Variants in GAB1 observed in about 807,000 individuals in gnomAD.
GAB1 encodes the protein GRB2 associated binding protein 1, also known as GRB2-associated-binding protein 1.
Under a neutral mutation model 66.5 loss-of-function variants are expected in GAB1, and 19 were observed. The observed-to-expected ratio is 0.29, with a 90% CI of 0.20 to 0.42. The LOEUF (loss-of-function observed/expected upper bound fraction) is 0.42. GAB1 is among the 10% of genes least tolerant of loss of function. The pLI, the probability that GAB1 is intolerant of heterozygous loss-of-function variation, is 1.00. For missense variants in GAB1, 732 were observed against 858.5 expected (o/e 0.85, Z 1.84); for synonymous variants, 294 against 301.4 (o/e 0.98, Z 0.25).
chr4:143,382,419 A>G (rs1560730825), intron 1 of GAB1, among the ~76,000 whole-genome samples: 1 of 152,208 alleles, frequency 6.6e-6, no homozygotes, highest in Non-Finnish European at 1.5e-5. Context: ...TCCCTCAGGA[A>G]TAGTGTAAAA....
intron 6 of GAB1, among the ~76,000 whole-genome samples, chr4:143,445,124 G>A (rs1308065051): frequency 6.6e-6 from 1 of 152,158 alleles, no homozygotes; most frequent in African/African-American, 2.4e-5. Flanking sequence ...GGAATTGCTA[G>A]GTTTAATGGT....
chr4:143,392,872 G>A (rs1731249899), intron 1 of GAB1, among the ~76,000 whole-genome samples: 1 of 152,156 alleles, frequency 6.6e-6, no homozygotes, highest in Non-Finnish European at 1.5e-5. Context: ...ATGGATATCT[G>A]AGGTTTTTTA....
intron 4 of GAB1, among the ~76,000 whole-genome samples, 188 bp downstream of exon 4, chr4:143,438,788 GTT>G (rs1051988060): frequency 6.6e-5 from 10 of 152,192 alleles, no homozygotes; most frequent in Admixed American, 2.6e-4. Flanking sequence ...AAGAGTTGGA[GTT>G]TCTCACCCCT....
Position 143,388,601 on chromosome 4 carries a change from G to A in GAB1, c.73-26876G>A, listed in dbSNP as rs186668198. Among the ~76,000 whole-genome samples the A allele has an allele frequency of 1.6e-4, 24 of 152,228 alleles. No homozygotes were observed. In the East Asian group the frequency reaches 2.9e-3, roughly 18 times the overall value. On this transcript the variant is annotated intron_variant, in intron 1 of 9. Transcript: ENST00000262994. Reference sequence around the variant, plus strand: ...AGCTAATTTTTGTATTTTTGGTAGAGATGGGGCTTCACCATGTTGGCCAGG... The same window carrying A: ...AGCTAATTTTTGTATTTTTGGTAGAAATGGGGCTTCACCATGTTGGCCAGG...
At chr4:143,467,883 C>T (rs915777926) in intron 9 of GAB1, among the ~76,000 whole-genome samples, 5 of 152,184 alleles carry the variant, frequency 3.3e-5, no homozygotes, top group East Asian at 1.9e-4. Flanking sequence ...CTCACCACTC[C>T]CTCTACTTCT....
At chr4:143,384,595 C>T (rs1315577427) in intron 1 of GAB1, among the ~76,000 whole-genome samples, 4 of 152,210 alleles carry the variant, frequency 2.6e-5, no homozygotes, top group Admixed American at 2.6e-4. Flanking sequence ...AAATGCTACA[C>T]CCGACAGACT....
intron 2 of GAB1, chr4:143,425,391 G>A: frequency 1.3e-6 from 1 of 759,378 alleles, no homozygotes; most frequent in African/African-American, 1.7e-5. Flanking sequence ...ACAGCCTTCT[G>A]GGAGCCATGG....
At chr4:143,379,736 A>C (rs1730576148) in intron 1 of GAB1, among the ~76,000 whole-genome samples, 1 of 151,946 alleles carries the variant, frequency 6.6e-6, no homozygotes, top group Non-Finnish European at 1.5e-5. Flanking sequence ...ACATGTGCAC[A>C]CCACAGTGCC....
At chr4:143,395,119 C>T (rs930957901) in intron 1 of GAB1, 2 of 152,146 alleles carry the variant, frequency 1.3e-5, no homozygotes, top group African/African-American at 4.8e-5. Flanking sequence ...TAACAGTTCC[C>T]TATGTCTTTT....
In GAB1 at chr4:143,459,510, A is replaced by G. The variant is rs375152816; in HGVS notation, c.1679+32A>G. On this transcript the variant is annotated intron_variant, in intron 7 of 9. Coordinates refer to ENST00000262994, the MANE Select transcript of GAB1 (RefSeq NM_002039.4). ...CCTTTGTCTAAAATATGTAGTTTGT[A>G]TGAATAATGTGACTATCTAGAATTG... 2.2e-5 allele frequency: 24 copies of G among 1,102,132 alleles called. No homozygotes were observed. The African/African-American group carries it at 2.5e-4, about 11-fold the overall frequency. 68.3% of individuals were successfully genotyped at this position (1,102,132 alleles called of 1,614,324 possible). A position where few individuals can be genotyped will look rare whatever the true frequency, so the allele number is the denominator to read the frequency against.
At chr4:143,423,705 A>G (rs906067145) in intron 2 of GAB1, among the ~76,000 whole-genome samples, 68 of 146,992 alleles carry the variant, frequency 4.6e-4, no homozygotes, top group Non-Finnish European at 9.6e-4. Context: ...TGAACCCGGG[A>G]GGCGGAGCTT....
intron 1 of GAB1, among the ~76,000 whole-genome samples, chr4:143,396,140 G>T (rs1015363524): frequency 3.3e-5 from 5 of 152,180 alleles, no homozygotes; most frequent in African/African-American, 9.7e-5. Flanking sequence ...GACCCTAGGA[G>T]CATTCTCCGC....
At chr4:143,358,021 A>G (rs1729516323) in intron 1 of GAB1, among the ~76,000 whole-genome samples, 1 of 152,166 alleles carries the variant, frequency 6.6e-6, no homozygotes, top group Admixed American at 6.5e-5. Context: ...GCTATTTTAA[A>G]AAACCACTTT....
At chr4:143,355,376 G>A (rs572714417) in intron 1 of GAB1, among the ~76,000 whole-genome samples, 52 of 152,232 alleles carry the variant, frequency 3.4e-4, no homozygotes, top group African/African-American at 1.2e-3. Context: ...GTCTCGTGGA[G>A]CAGTTCATCC....
intron 1 of GAB1, among the ~76,000 whole-genome samples, chr4:143,366,272 C>T (rs1326167826): frequency 6.6e-6 from 1 of 152,156 alleles, no homozygotes; most frequent in Non-Finnish European, 1.5e-5. Context: ...ATAGAGAAAG[C>T]ATATTTACAT....
At chr4:143,449,540 T>A (rs1177885079) in intron 6 of GAB1, among the ~76,000 whole-genome samples, 1 of 152,222 alleles carries the variant, frequency 6.6e-6, no homozygotes, top group African/African-American at 2.4e-5. Context: ...TTTACCATTA[T>A]GTAATGGCCT....
In GAB1 at chr4:143,350,662, G is replaced by A. The variant is rs113422377; in HGVS notation, c.72+13402G>A. Among the ~76,000 whole-genome samples, 8 of 128,630 alleles carry A rather than the reference G, an allele frequency of 6.2e-5. No homozygotes were observed. The South Asian group carries it at 1.7e-3, about 28-fold the overall frequency. The allele number at this position is 128,630 out of a possible 152,430, so 84.4% of individuals were successfully genotyped here. ...CATTGCACTCCAGCCTGGGCAACAA[G>A]CGTGAAACTCCGTCTCAAAAAAAAA... On this transcript the variant is annotated intron_variant, in intron 1 of 9. Transcript: ENST00000262994.
intron 1 of GAB1, among the ~76,000 whole-genome samples, chr4:143,379,642 C>G (rs915999967): frequency 6.6e-6 from 1 of 152,044 alleles, no homozygotes; most frequent in Non-Finnish European, 1.5e-5. Context: ...CCCAAGCTAG[C>G]CTGCAGTGAT....
chr4:143,455,429 T>C (rs141156688), intron 6 of GAB1, among the ~76,000 whole-genome samples: 1 of 152,132 alleles, frequency 6.6e-6, no homozygotes, highest in East Asian at 1.9e-4. Context: ...AACCACAAAC[T>C]TAGATAAGAT....
Sources: gnomAD v4.1 joint callset for allele counts (sites outside exome capture counted in the v4.1 genomes callset) on GRCh38, gnomAD v4.1.1 for gene constraint, MANE v1.5 for transcripts, NCBI Gene and HGNC (gene_info 2026-07-23, HGNC 2026-07-21) for gene names.